TRPM4: variants seen among roughly 807,000 people sequenced by gnomAD.
TRPM4 encodes calcium-activated non-selective cation channel 1.
A neutral mutation model predicts 135.6 loss-of-function variants in TRPM4; 124 were observed. The observed-to-expected ratio is 0.91, with a 90% CI of 0.79 to 1.06. TRPM4 has a LOEUF of 1.06. Ranked by LOEUF, TRPM4 falls within the 50% of genes least tolerant of loss-of-function variation. The pLI, the probability that TRPM4 is intolerant of heterozygous loss-of-function variation, is 0.00. For missense variants in TRPM4, 1,658 were observed against 1,671.4 expected (o/e 0.99, Z 0.14); for synonymous variants, 745 against 705.6 (o/e 1.06, Z -0.88).
Position 49,196,714 on chromosome 19 carries a change from C to G in TRPM4, c.2485C>G (p.Leu829Val). 1 of 1,552,874 alleles carries G rather than the reference C, an allele frequency of 6.4e-7. No individual in the cohort carries two copies. Among genetic ancestry groups the G allele is most frequent in the Non-Finnish European group, 8.7e-7 (1 of 1,155,494 alleles). The stretch of plus-strand genomic sequence containing the variant: ...GGCTTTCACGCTGCTGTGCGAGGAA[C>G]TGCGCCAGGGCCTGAGCGGAGGCGG... ...FWAFTLLCEE[L>V]RQGLSGGGGS... The change falls in exon 17 of 25, where the codon CTG (leucine) becomes GTG (valine). Residue 829 changes from leucine (L) to valine (V), a missense_variant. By Grantham distance (32) the Leu-to-Val change is conservative. Around this residue, in one of 3 missense-constraint regions of TRPM4, gnomAD observed 1,412 missense variants for 1,408.7 expected, o/e 1.00. Coordinates refer to ENST00000252826, the MANE Select transcript of TRPM4 (RefSeq NM_017636.4).
rs770742260 is a variant in TRPM4, at chr19:49,210,226, T to A, written c.3149T>A (p.Val1050Glu). The part of the protein sequence containing the change: ...IAMFSYTFGK[V>E]QGNSDLYWKA... ...CTTTGCAGTTACACATTCGGCAAAG[T>A]ACAGGGCAACAGCGATCTCTACTGG... Residue 1050 changes from valine to glutamate, a missense_variant, in exon 21 of 25, where the codon GTA becomes GAA. Around this residue, in one of 3 missense-constraint regions of TRPM4, gnomAD observed 1,412 missense variants for 1,408.7 expected, o/e 1.00. Coordinates refer to ENST00000252826, the MANE Select transcript of TRPM4 (RefSeq NM_017636.4). The surrounding 1 kb of genome is among the most constrained non-coding windows in gnomAD (Gnocchi z 4.1). 6.2e-7 allele frequency: 1 copy of A among 1,614,116 alleles called. No homozygotes were observed. The highest frequency in any genetic ancestry group is 8.5e-7 in the Non-Finnish European group (1 of 1,180,044).
intron 2 of TRPM4, chr19:49,159,495 T>G (rs529136626): frequency 9.3e-5 from 14 of 150,460 alleles, no homozygotes; most frequent in African/African-American, 3.4e-4. Flanking sequence ...TGTTTTTTGT[T>G]TTTTTGAGAC....
chr19:49,190,779 T>C lies in TRPM4; in HGVS notation c.2210+6T>C, dbSNP rs747674792. Reference sequence around the variant, plus strand: ...AATGGGGAAGGGCCTGTCGGGTGAGTGGAGCCTCCAGCACTGTGTGAGGTG... The same window carrying C: ...AATGGGGAAGGGCCTGTCGGGTGAGCGGAGCCTCCAGCACTGTGTGAGGTG... On this transcript the variant is annotated splice_donor_region_variant and intron_variant, in intron 16 of 24. Transcript: ENST00000252826. 2 of 1,613,890 alleles carry C rather than the reference T, an allele frequency of 1.2e-6. No individual in the cohort carries two copies. Among genetic ancestry groups the C allele is most frequent in the Non-Finnish European group, 1.7e-6 (2 of 1,179,900 alleles).
rs765449931 is a variant in TRPM4, at chr19:49,210,767, A to T, written c.3386A>T (p.Lys1129Met). 90 of 1,613,992 alleles carry T rather than the reference A, an allele frequency of 5.6e-5. No individual in the cohort carries two copies. Among genetic ancestry groups the T allele is most frequent in the Non-Finnish European group, 7.2e-5 (85 of 1,180,046 alleles). ...CTGCTAACGTGGGAATCGGTGCATA[A>T]GGAGAACTTTCTGCTGGCACGCGCT... ...RKLLTWESVH[K>M]ENFLLARARD... The change falls in exon 22 of 25, where the codon AAG (lysine) becomes ATG (methionine). Residue 1129 changes from lysine to methionine, a missense_variant. Lys to Met is a moderately conservative substitution (Grantham distance 95). Around this residue, in one of 3 missense-constraint regions of TRPM4, gnomAD observed 1,412 missense variants for 1,408.7 expected, o/e 1.00. Transcript: ENST00000252826. The surrounding 1 kb of genome is among the most constrained non-coding windows in gnomAD (Gnocchi z 4.1).
chr19:49,199,679 G>A lies in TRPM4; in HGVS notation c.2646-621G>A, dbSNP rs180769721. Among the ~76,000 whole-genome samples, 11 of 151,818 alleles carry A rather than the reference G, an allele frequency of 7.2e-5. No homozygotes were observed. The East Asian group carries it at 9.7e-4, about 13-fold the overall frequency. On this transcript the variant is annotated intron_variant, in intron 17 of 24. Transcript: ENST00000252826. ...GGTCTTAATATCTTCATATCTTCTC[G>A]AAGTCTGTGGCTTGTCTTTTCACTT...
At chr19:49,165,188 C>A (rs140894700) in intron 2 of TRPM4, among the ~76,000 whole-genome samples, 1 of 152,192 alleles carries the variant, frequency 6.6e-6, no homozygotes, top group African/African-American at 2.4e-5. Flanking sequence ...GAAACCTGTT[C>A]CATTTGGCAC....
In TRPM4 at chr19:49,168,386, G is replaced by A. The variant is rs750308604; in HGVS notation, c.575G>A (p.Gly192Asp). 5 of 1,613,950 alleles carry A rather than the reference G, an allele frequency of 3.1e-6. No individual in the cohort carries two copies. The South Asian group carries it at 4.4e-5, about 14-fold the overall frequency. Residue 192 changes from glycine to aspartate, a missense_variant, in exon 5 of 25, where the codon GGT becomes GAT. Coordinates refer to ENST00000252826, the MANE Select transcript of TRPM4 (RefSeq NM_017636.4). ...KVVAMGVAPW[G>D]VVRNRDTLIN... ...GTGGCCATGGGTGTGGCCCCCTGGG[G>A]TGTGGTCCGGAATAGAGACACCCTC...
chr19:49,181,195 A>T (rs1469984710), intron 9 of TRPM4, among the ~76,000 whole-genome samples, 154 bp from the exon 10 acceptor site: 1 of 152,182 alleles, frequency 6.6e-6, no homozygotes, highest in Non-Finnish European at 1.5e-5. Context: ...TGCCTATGAT[A>T]GCCTGACTGC....
intron 16 of TRPM4, among the ~76,000 whole-genome samples, chr19:49,193,798 CCTT>C (rs1968503810): frequency 6.6e-6 from 1 of 152,102 alleles, no homozygotes; most frequent in South Asian, 2.1e-4. Flanking sequence ...CTGCATCTGA[CCTT>C]CTTTCTCTAG....
Position 49,164,377 on chromosome 19 carries a change from T to G in TRPM4, c.93-1664T>G, listed in dbSNP as rs1387742803. Among the ~76,000 whole-genome samples, 76 of 95,796 alleles carry G rather than the reference T, an allele frequency of 7.9e-4. 1 individual carries two copies. The highest frequency in any genetic ancestry group is 2.6e-3 in the African/African-American group (62 of 23,802). 62.8% of individuals were successfully genotyped at this position (95,796 alleles called of 152,430 possible). A position where few individuals can be genotyped will look rare whatever the true frequency, so the allele number is the denominator to read the frequency against. On this transcript the variant is annotated intron_variant, in intron 2 of 24. Coordinates refer to ENST00000252826, the MANE Select transcript of TRPM4 (RefSeq NM_017636.4). ...TTTCTTTCCTTAGTTTTTTTTTTTT[T>G]TTTTTTTTTTTTTTTTTTTTTGAGA...
intron 9 of TRPM4, among the ~76,000 whole-genome samples, chr19:49,174,496 C>T (rs1194393551): frequency 2.0e-5 from 3 of 151,850 alleles, no homozygotes; most frequent in Admixed American, 6.5e-5. Context: ...CACAGTGGCT[C>T]ACACGTGTAA....
At chr19:49,205,526 CTTTTTTTTTTTTTT>C (rs576873516) in intron 20 of TRPM4, among the ~76,000 whole-genome samples, 1 of 126,948 alleles carries the variant, frequency 7.9e-6, no homozygotes, top group Non-Finnish European at 1.7e-5. Context: ...ATGACTTCAA[CTTTTTTTTTTTTTT>C]TTTTTTTTTT....
In TRPM4 at chr19:49,211,258, C is replaced by G. The variant is rs2146000515; in HGVS notation, c.3629C>G (p.Pro1210Arg). Residue 1210 changes from proline to arginine, a missense_variant, in exon 24 of 25, where the codon CCT (proline) becomes CGT (arginine). This residue lies in a region of TRPM4 where 1,412 missense variants were observed against 1,408.7 expected (regional missense o/e 1.00). Coordinates refer to ENST00000252826, the MANE Select transcript of TRPM4 (RefSeq NM_017636.4). The surrounding 1 kb of genome is among the most constrained non-coding windows in gnomAD (Gnocchi z 4.8). ...GGTGGGCCGCCACCCCCTGACCTGC[C>G]TGGGTCCAAAGGTCAGTGTGTAGCA... ...PPGGPPPPDL[P>R]GSKD is the part of the protein sequence containing the mutation. 6.3e-7 allele frequency: 1 copy of G among 1,583,462 alleles called. No homozygotes were observed. The highest frequency in any genetic ancestry group is 8.6e-7 in the Non-Finnish European group (1 of 1,165,672).
intron 9 of TRPM4, 105 bp from the exon 10 acceptor site, chr19:49,181,244 A>T (rs1311327963): frequency 1.2e-6 from 1 of 849,576 alleles, no homozygotes; most frequent in East Asian, 2.4e-5. Context: ...CAACCCCTTT[A>T]TGCAGAGTTT....
intron 3 of TRPM4, among the ~76,000 whole-genome samples, chr19:49,167,465 C>A (rs1967251982): frequency 1.2e-5 from 1 of 85,456 alleles, no homozygotes; most frequent in Non-Finnish European, 2.5e-5. Flanking sequence ...GGGTCTCTGT[C>A]GCCATCTCTC....
Position 49,211,364 on chromosome 19 carries a change from A to C in TRPM4, c.3640+95A>C. On this transcript the variant is annotated intron_variant, in intron 24 of 24. Coordinates refer to ENST00000252826, the MANE Select transcript of TRPM4 (RefSeq NM_017636.4). This position sits in a 1 kb window ranked among gnomAD's most constrained non-coding sequence, Gnocchi z 4.8. The stretch of plus-strand genomic sequence containing the variant: ...GGCACCTTTCCAGTGTCCCTGGGTC[A>C]CTCTCTTGGTCTCCTTTGAGCCTTT... 1.3e-6 allele frequency: 2 copies of C among 1,573,454 alleles called. No homozygotes were observed. The highest frequency in any genetic ancestry group is 1.7e-5 in the Admixed American group (1 of 59,872).
At chr19:49,176,859 A>G (rs1029873670) in intron 9 of TRPM4, among the ~76,000 whole-genome samples, 3 of 152,130 alleles carry the variant, frequency 2.0e-5, no homozygotes, top group Non-Finnish European at 4.4e-5. Flanking sequence ...TCAAAAACAA[A>G]CAATCAAAAA....
chr19:49,194,445 A>G (rs755199500), intron 16 of TRPM4, among the ~76,000 whole-genome samples: 3 of 152,106 alleles, frequency 2.0e-5, no homozygotes, highest in African/African-American at 7.2e-5. Context: ...GGGTTTCGCC[A>G]TGTTGCCCAG....
intron 6 of TRPM4, among the ~76,000 whole-genome samples, chr19:49,170,860 T>C (rs1034803676): frequency 6.6e-6 from 1 of 152,078 alleles, no homozygotes; most frequent in African/African-American, 2.4e-5. Context: ...GGTGGGAGGA[T>C]CCCTTGAGTC....
Sources: gnomAD v4.1 joint callset for allele counts (sites outside exome capture counted in the v4.1 genomes callset) on GRCh38, gnomAD v4.1.1 for gene constraint, gnomAD v4.1.1 regional missense constraint, Gnocchi (gnomAD v3.1) non-coding constraint, MANE v1.5 for transcripts, NCBI Gene and HGNC (gene_info 2026-07-23, HGNC 2026-07-21) for gene names.